Variants in SLC35F4 observed in about 807,000 individuals in gnomAD.
SLC35F4 encodes solute carrier family 35 member F4.
A neutral mutation model predicts 44.2 loss-of-function variants in SLC35F4; 24 were observed. The ratio of observed to expected loss-of-function variants is 0.54; its 90% confidence interval spans 0.39 to 0.76. The LOEUF (loss-of-function observed/expected upper bound fraction) is 0.76, where lower values mean the gene tolerates loss of function less well. SLC35F4 is among the 30% of genes least tolerant of loss of function. The pLI, the probability that SLC35F4 is intolerant of heterozygous loss-of-function variation, is 0.00. For synonymous variants in SLC35F4, 238 were observed against 223.6 expected (o/e 1.06, Z -0.57); for missense variants, 562 against 586.1 (o/e 0.96, Z 0.42).
At chr14:57,645,423 G>T (rs2073458692) in intron 1 of SLC35F4, among the ~76,000 whole-genome samples, 1 of 152,072 alleles carries the variant, frequency 6.6e-6, no homozygotes, top group Non-Finnish European at 1.5e-5. Flanking sequence ...CTCTCTGTTT[G>T]TCTGTTATTG....
At chr14:57,751,827 A>G (rs1242948660) in intron 1 of SLC35F4, among the ~76,000 whole-genome samples, 1 of 152,176 alleles carries the variant, frequency 6.6e-6, no homozygotes, top group South Asian at 2.1e-4. Context: ...GAGGTATAAA[A>G]TTTGGCCTTC....
intron 7 of SLC35F4, among the ~76,000 whole-genome samples, chr14:57,565,830 G>A (rs2068179705): frequency 6.6e-6 from 1 of 151,984 alleles, no homozygotes; most frequent in Non-Finnish European, 1.5e-5. Flanking sequence ...ATAAACATTT[G>A]CTGATTGTCG....
intron 1 of SLC35F4, among the ~76,000 whole-genome samples, chr14:57,647,579 A>G (rs2073591270): frequency 6.6e-6 from 1 of 152,124 alleles, no homozygotes. Flanking sequence ...TAAGCTCTTT[A>G]TAAGGACTAT....
chr14:57,622,637 G>C (rs1249855142), intron 1 of SLC35F4, among the ~76,000 whole-genome samples: 1 of 151,906 alleles, frequency 6.6e-6, no homozygotes, highest in Non-Finnish European at 1.5e-5. Context: ...CATGGACACA[G>C]GAAGGGGAAC....
At chr14:57,638,265 C>G (rs1042655958) in intron 1 of SLC35F4, among the ~76,000 whole-genome samples, 2 of 152,102 alleles carry the variant, frequency 1.3e-5, no homozygotes, top group Non-Finnish European at 2.9e-5. Context: ...AGACCACTGA[C>G]CACAGACTGG....
At chr14:57,755,125 A>G (rs1387243663) in intron 1 of SLC35F4, among the ~76,000 whole-genome samples, 3 of 152,184 alleles carry the variant, frequency 2.0e-5, no homozygotes, top group African/African-American at 7.2e-5. Context: ...CTTGACCCCC[A>G]GGAGCAGACT....
intron 2 of SLC35F4, among the ~76,000 whole-genome samples, chr14:57,590,485 G>A (rs1437319066): frequency 6.6e-6 from 1 of 152,118 alleles, no homozygotes; most frequent in Non-Finnish European, 1.5e-5. Flanking sequence ...CCTCACCAAT[G>A]ACTAATATAT....
intron 1 of SLC35F4, chr14:57,604,155 A>G (rs188904796): frequency 1.3e-5 from 2 of 152,314 alleles, no homozygotes; most frequent in East Asian, 3.9e-4. Context: ...TCTTAGATGC[A>G]CCAACATCAC....
rs533059754 is a variant in SLC35F4 at position 57,928,015 on chromosome 14, G to T, written n.282+53898C>A. 9.1e-4 allele frequency among the ~76,000 whole-genome samples: 138 copies of T among 151,652 alleles called. 2 individuals are homozygous for T. In the South Asian group the frequency reaches 0.015, roughly 16 times the overall value. On this transcript the variant is annotated intron_variant and non_coding_transcript_variant, in intron 1 of 1. Transcript: ENST00000556568. The stretch of plus-strand genomic sequence containing the variant: ...CATTTAAATTTGTGATGAAAGGAAA[G>T]TTTTAGACAATAACTGTTCTACTCT...
chr14:57,853,095 CCTAT>C (rs1217335170), intron 1 of SLC35F4, among the ~76,000 whole-genome samples: 10 of 152,212 alleles, frequency 6.6e-5, no homozygotes, highest in African/African-American at 2.2e-4. Flanking sequence ...GTTGTATTGC[CCTAT>C]CTGACCTAGA....
At chr14:57,587,940 C>G (rs932292354) in intron 3 of SLC35F4, among the ~76,000 whole-genome samples, 1 of 148,842 alleles carries the variant, frequency 6.7e-6, no homozygotes, top group African/African-American at 2.5e-5. Context: ...AATCCCAGTA[C>G]TTTGGGCGGC....
Position 57,954,752 on chromosome 14 carries a change from A to G in SLC35F4, n.282+27161T>C, listed in dbSNP as rs1890205315. Among the ~76,000 whole-genome samples the G allele has an allele frequency of 2.0e-5, 3 of 152,226 alleles. No individual in the cohort carries two copies. The South Asian group carries it at 6.2e-4, about 32-fold the overall frequency. ...TGAAGTCGAATCTCTGAATAGACCA[A>G]TAGTAAGTTCTGAAATTGAGGCAGT... is the stretch of plus-strand genomic sequence containing the variant. On this transcript the variant is annotated intron_variant and non_coding_transcript_variant, in intron 1 of 1. Transcript: ENST00000556568.
intron 1 of SLC35F4, among the ~76,000 whole-genome samples, chr14:57,673,172 AT>A (rs1169167501): frequency 7.2e-5 from 11 of 152,144 alleles, no homozygotes; most frequent in African/African-American, 2.7e-4. Context: ...AGACAAACCA[AT>A]TAAGAAGCAT....
chr14:57,707,614 A>T (rs2075709995), intron 1 of SLC35F4, among the ~76,000 whole-genome samples: 1 of 152,200 alleles, frequency 6.6e-6, no homozygotes, highest in Non-Finnish European at 1.5e-5. Flanking sequence ...ATGAGAATGG[A>T]CTAATACAAT....
intron 1 of SLC35F4, among the ~76,000 whole-genome samples, chr14:57,732,178 A>G (rs1036138493): frequency 1.1e-4 from 17 of 152,164 alleles, no homozygotes; most frequent in Non-Finnish European, 2.4e-4. Context: ...TTTGAGCTTT[A>G]TTTTTTGAAA....
intron 1 of SLC35F4, among the ~76,000 whole-genome samples, chr14:57,944,529 T>C (rs1215517720): frequency 2.0e-5 from 3 of 152,070 alleles, no homozygotes; most frequent in African/African-American, 4.8e-5. Flanking sequence ...CTCATATTTA[T>C]TATTAACTCC....
chr14:57,974,246 G>A (rs1322539584), downstream of SLC35F4, among the ~76,000 whole-genome samples: 1 of 152,096 alleles, frequency 6.6e-6, no homozygotes, highest in Non-Finnish European at 1.5e-5. Context: ...CCTACCCAAG[G>A]CCTCCCCAAC....
chr14:57,588,096 G>T (rs898357591), intron 3 of SLC35F4, among the ~76,000 whole-genome samples: 27 of 152,300 alleles, frequency 1.8e-4, no homozygotes, highest in African/African-American at 6.3e-4. Context: ...TGAGGAAAGA[G>T]GCGAAGGTTG....
intron 1 of SLC35F4, among the ~76,000 whole-genome samples, chr14:57,624,208 G>C (rs1457931440): frequency 6.6e-6 from 1 of 152,132 alleles, no homozygotes; most frequent in Non-Finnish European, 1.5e-5. Context: ...AGAAGAAGTG[G>C]ATAAATTCCT....
Sources: gnomAD v4.1 joint callset for allele counts (sites outside exome capture counted in the v4.1 genomes callset) on GRCh38, gnomAD v4.1.1 for gene constraint, MANE v1.5 for transcripts, NCBI Gene and HGNC (gene_info 2026-07-23, HGNC 2026-07-21) for gene names.